KCNIP1: variants seen among roughly 807,000 people sequenced by gnomAD.
KCNIP1 encodes the protein potassium voltage-gated channel interacting protein 1, also known as A-type potassium channel modulatory protein KCNIP1.
A neutral mutation model predicts 33.0 loss-of-function variants in KCNIP1; 18 were observed. The ratio of observed to expected loss-of-function variants is 0.55; its 90% CI spans 0.38 to 0.81. The LOEUF is 0.81. Ranked by LOEUF, KCNIP1 falls within the 30% of genes least tolerant of loss-of-function variation. The pLI is 0.00. For missense variants in KCNIP1, 238 were observed against 271.6 expected (o/e 0.88, Z 0.87); for synonymous variants, 93 against 98.3 (o/e 0.95, Z 0.32).
chr5:170,580,647 A>G (rs572130491), intron 1 of KCNIP1, among the ~76,000 whole-genome samples: 2 of 152,328 alleles, frequency 1.3e-5, no homozygotes, highest in East Asian at 1.9e-4. Flanking sequence ...ACTATATAAC[A>G]TAAGGAATAG....
At chr5:170,380,279 C>G (rs891719679) in intron 1 of KCNIP1, among the ~76,000 whole-genome samples, 7 of 152,198 alleles carry the variant, frequency 4.6e-5, no homozygotes, top group Non-Finnish European at 7.3e-5. Flanking sequence ...CAGCAGAATA[C>G]CTACAGGGCC....
At chr5:170,447,302 C>T (rs1284212937) in intron 1 of KCNIP1, among the ~76,000 whole-genome samples, 1 of 151,694 alleles carries the variant, frequency 6.6e-6, no homozygotes, top group African/African-American at 2.4e-5. Context: ...GGACCACGGG[C>T]ACTCACATGT....
intron 1 of KCNIP1, among the ~76,000 whole-genome samples, chr5:170,619,297 G>T (rs762400711): frequency 1.3e-5 from 2 of 152,174 alleles, no homozygotes; most frequent in African/African-American, 2.4e-5. Context: ...TTCACAGCCT[G>T]TCTCTGGTCA....
rs186705475 is a variant in KCNIP1, at chr5:170,542,897, T to C, written c.61+38264T>C. ...AAACTACGGGAAGTGAAACTGCTGATTGGGGGGACTACTGTAATTTACTAT... is the reference window on the plus strand; with the variant it reads ...AAACTACGGGAAGTGAAACTGCTGACTGGGGGGACTACTGTAATTTACTAT... On this transcript the variant is annotated intron_variant, in intron 1 of 7. Transcript: ENST00000328939. 1.6e-4 allele frequency among the ~76,000 whole-genome samples: 24 copies of C among 152,296 alleles called. 1 individual carries two copies. The highest frequency in any genetic ancestry group is 1.1e-3 in the Admixed American group (17 of 15,296).
intron 1 of KCNIP1, among the ~76,000 whole-genome samples, chr5:170,451,304 T>C (rs1014268737): frequency 9.2e-5 from 14 of 152,212 alleles, no homozygotes; most frequent in African/African-American, 3.4e-4. Context: ...CTAGTCCTTC[T>C]ACCTTATAGA....
intron 1 of KCNIP1, among the ~76,000 whole-genome samples, chr5:170,464,423 T>C (rs1756566453): frequency 1.3e-5 from 2 of 152,176 alleles, no homozygotes; most frequent in Admixed American, 6.5e-5. Flanking sequence ...TGACCCCAAA[T>C]AGCCAAAACA....
At chr5:170,591,807 A>G (rs1188861406) in intron 1 of KCNIP1, among the ~76,000 whole-genome samples, 1 of 152,218 alleles carries the variant, frequency 6.6e-6, no homozygotes, top group Non-Finnish European at 1.5e-5. Flanking sequence ...ATTTTTCATT[A>G]TAAGTATATA....
At chr5:170,431,673 CG>C (rs1477432756) in intron 1 of KCNIP1, among the ~76,000 whole-genome samples, 1 of 152,202 alleles carries the variant, frequency 6.6e-6, no homozygotes, top group African/African-American at 2.4e-5. Flanking sequence ...GCCAAGCCCA[CG>C]GGGGCCCTGG....
intron 1 of KCNIP1, among the ~76,000 whole-genome samples, chr5:170,653,053 G>C (rs371959743): frequency 2.0e-5 from 3 of 152,200 alleles, no homozygotes; most frequent in African/African-American, 7.2e-5. Flanking sequence ...TGGGTCGGGG[G>C]AAGGAGCGAG....
At chr5:170,571,541 C>T (rs1757408357) in intron 1 of KCNIP1, among the ~76,000 whole-genome samples, 1 of 152,190 alleles carries the variant, frequency 6.6e-6, no homozygotes, top group Non-Finnish European at 1.5e-5. Context: ...ATTTATACCA[C>T]CGTGGCCAGG....
chr5:170,417,235 A>T (rs965626918), intron 1 of KCNIP1, among the ~76,000 whole-genome samples: 1 of 152,250 alleles, frequency 6.6e-6, no homozygotes, highest in Non-Finnish European at 1.5e-5. Context: ...ACATTTTTGT[A>T]AGCAGTCATT....
intron 1 of KCNIP1, among the ~76,000 whole-genome samples, chr5:170,374,226 T>C (rs542084011): frequency 5.4e-4 from 82 of 152,342 alleles, no homozygotes; most frequent in Non-Finnish European, 1.1e-3. Context: ...AATATTTATA[T>C]TGCATTATTT....
chr5:170,595,714 G>A (rs138639636), intron 1 of KCNIP1, among the ~76,000 whole-genome samples: 47 of 152,302 alleles, frequency 3.1e-4, no homozygotes, highest in African/African-American at 1.1e-3. Context: ...TTTACAGAGG[G>A]CAAGCTAAAA....
At chr5:170,687,830 G>A (rs2113808682) in intron 1 of KCNIP1, among the ~76,000 whole-genome samples, 1 of 152,310 alleles carries the variant, frequency 6.6e-6, no homozygotes, top group Middle Eastern at 3.4e-3. Flanking sequence ...TCACATGGAT[G>A]TCATGAGATG....
intron 1 of KCNIP1, among the ~76,000 whole-genome samples, chr5:170,675,615 A>G (rs10475549): frequency 0.61 from 92,804 of 152,050 alleles, 29,424 homozygotes; most frequent in African/African-American, 0.78. Context: ...GCAAGCCCCC[A>G]TCTCTAAAAT....
chr5:170,454,163 T>C (rs183803945), intron 1 of KCNIP1, among the ~76,000 whole-genome samples: 489 of 152,352 alleles, frequency 3.2e-3, no homozygotes, highest in Non-Finnish European at 5.6e-3. Flanking sequence ...GAATAATTCA[T>C]GCTTTGCAAA....
chr5:170,474,592 A>G (rs755084818), intron 1 of KCNIP1, among the ~76,000 whole-genome samples: 1 of 152,190 alleles, frequency 6.6e-6, no homozygotes, highest in African/African-American at 2.4e-5. Flanking sequence ...TAAGCTTTAC[A>G]TGTGTTATTT....
intron 7 of KCNIP1, among the ~76,000 whole-genome samples, chr5:170,735,467 GA>G (rs1764355010): frequency 1.3e-5 from 2 of 152,092 alleles, no homozygotes; most frequent in African/African-American, 2.4e-5. Context: ...AATAAAAAGA[GA>G]AAAAATATAA....
intron 1 of KCNIP1, among the ~76,000 whole-genome samples, chr5:170,572,809 T>C (rs747770104): frequency 6.6e-6 from 1 of 152,202 alleles, no homozygotes; most frequent in African/African-American, 2.4e-5. Flanking sequence ...TCTTTACAGA[T>C]GGGACTCAGG....
Sources: allele counts gnomAD v4.1 joint callset (sites outside exome capture counted in the v4.1 genomes callset), GRCh38; gene constraint gnomAD v4.1.1; transcripts MANE v1.5; gene names NCBI Gene and HGNC (gene_info 2026-07-23, HGNC 2026-07-21).